The following WNT2B variants were observed in gnomAD, a reference collection of about 807,000 sequenced individuals.
WNT2B encodes protein Wnt-2b.
WNT2B carries 19 observed loss-of-function variants against 40.5 expected under a neutral mutation model. The observed-to-expected ratio is 0.47, with a 90% confidence interval of 0.33 to 0.69. The LOEUF (loss-of-function observed/expected upper bound fraction) is 0.69. Among genes scored for constraint, WNT2B ranks in the 30% least tolerant of loss-of-function variants. The pLI is 0.02. For synonymous variants in WNT2B, 220 were observed against 211.9 expected (o/e 1.04, Z -0.33); for missense variants, 467 against 556.4 (o/e 0.84, Z 1.62).
rs1365606904 is a variant in WNT2B at position 112,522,551 on chromosome 1, A to C, written c.*2042A>C. The C allele has an allele frequency of 3.3e-5, 5 of 152,116 alleles. No homozygotes were observed. Among genetic ancestry groups the C allele is most frequent in the Non-Finnish European group, 7.3e-5 (5 of 68,048 alleles). 9.4% of individuals were successfully genotyped at this position (152,116 alleles called of 1,614,324 possible). ...CTCTCCAATATCCCTTGGGGTCCTC[A>C]TGTTTTTGAAGCAGCTTCACTCTGC... On this transcript the variant is annotated 3_prime_UTR_variant, in exon 5 of 5. Transcript: ENST00000369684.
rs1652893302 is a variant in WNT2B at position 112,521,729 on chromosome 1, T to C, written c.*1220T>C. The C allele has an allele frequency of 6.6e-6, 1 of 152,202 alleles. No homozygotes were observed. The highest frequency in any genetic ancestry group is 2.1e-4 in the South Asian group (1 of 4,824). 9.4% of individuals were successfully genotyped at this position (152,202 alleles called of 1,614,324 possible). A position where few individuals can be genotyped will look rare whatever the true frequency, so the allele number is the denominator to read the frequency against. On this transcript the variant is annotated 3_prime_UTR_variant, in exon 5 of 5. Coordinates refer to ENST00000369684, the MANE Select transcript of WNT2B (RefSeq NM_024494.3). The stretch of plus-strand genomic sequence containing the variant: ...GCTTAATGGGTAATGCTATTACCCA[T>C]TGCCTAACTAGGTTTGCAGTAGTGG...
chr1:112,507,530 C>T (rs1399502693), upstream of WNT2B, among the ~76,000 whole-genome samples: 1 of 152,174 alleles, frequency 6.6e-6, no homozygotes, highest in East Asian at 1.9e-4. Context: ...GAGTGAGGGG[C>T]GCTAGGACCC....
intron 1 of WNT2B, among the ~76,000 whole-genome samples, chr1:112,476,413 C>T (rs1651055330): frequency 6.6e-6 from 1 of 152,024 alleles, no homozygotes; most frequent in Non-Finnish European, 1.5e-5. Context: ...AGGTAATGCC[C>T]ATCCCCCACT....
intron 4 of WNT2B, chr1:112,517,998 C>G (rs1041777788): frequency 1.3e-5 from 2 of 152,538 alleles, no homozygotes; most frequent in Non-Finnish European, 2.9e-5. Flanking sequence ...GGTAAAGGTT[C>G]TCTCTAAGGG....
intron 1 of WNT2B, among the ~76,000 whole-genome samples, chr1:112,512,757 AG>A (rs1652400067): frequency 6.6e-6 from 1 of 152,292 alleles, no homozygotes; most frequent in South Asian, 2.1e-4. Flanking sequence ...TTGAACTGAG[AG>A]GAAGATGTGG....
At chr1:112,468,842 C>A (rs186429447) in intron 1 of WNT2B, among the ~76,000 whole-genome samples, 1 of 152,068 alleles carries the variant, frequency 6.6e-6, no homozygotes, top group Non-Finnish European at 1.5e-5. Context: ...CGTTTTGTTG[C>A]CTGTGCTTTT....
Position 112,509,347 on chromosome 1 carries a change from G to A in WNT2B, c.85G>A (p.Ala29Thr). The part of the protein sequence containing the change: ...SAPVPVPSPA[A>T]PDGSRASARL... ...CCCGGTCCCTGTGCCGTCGCCCGCGGCCCCCGACGGCTCCCGGGCTTCGGC... is the reference window on the plus strand; with the variant it reads ...CCCGGTCCCTGTGCCGTCGCCCGCGACCCCCGACGGCTCCCGGGCTTCGGC... The change falls in exon 1 of 5, where the codon GCC becomes ACC. Residue 29 changes from alanine to threonine, a missense_variant. Transcript: ENST00000369684. This position sits in a 1 kb window ranked among gnomAD's most constrained non-coding sequence, Gnocchi z 4.2. The A allele has an allele frequency of 6.3e-7, 1 of 1,593,386 alleles. No homozygotes were observed. Among genetic ancestry groups the A allele is most frequent in the Non-Finnish European group, 8.5e-7 (1 of 1,176,482 alleles).
At position 112,515,168 on chromosome 1, in the gene WNT2B, A is replaced by C; in HGVS notation, c.403+74A>C. 6.7e-7 allele frequency: 1 copy of C among 1,494,718 alleles called. No individual in the cohort carries two copies. The highest frequency in any genetic ancestry group is 9.1e-7 in the Non-Finnish European group (1 of 1,094,462). 92.6% of individuals were successfully genotyped at this position (1,494,718 alleles called of 1,614,324 possible). A position where few individuals can be genotyped will look rare whatever the true frequency, so the allele number is the denominator to read the frequency against. On this transcript the variant is annotated intron_variant, in intron 2 of 4. Transcript: ENST00000369684. The surrounding 1 kb of genome is among the most constrained non-coding windows in gnomAD (Gnocchi z 4.4). Reference sequence around the variant, plus strand: ...GGGTGGTGAGTGGGAAGAGTAGGCAAGATCTCCCCTCTCCTCTCCCACACA... The same window carrying C: ...GGGTGGTGAGTGGGAAGAGTAGGCACGATCTCCCCTCTCCTCTCCCACACA...
intron 1 of WNT2B, among the ~76,000 whole-genome samples, chr1:112,493,156 G>A (rs534112688): frequency 6.6e-6 from 1 of 152,300 alleles, no homozygotes; most frequent in South Asian, 2.1e-4. Flanking sequence ...AAAGTAGACA[G>A]CATGCAAAAA....
chr1:112,509,313 C>T lies in WNT2B; in HGVS notation c.51C>T (p.Arg17=). ...AAGCTGCGCAGCTCCCGCTTCGGCG[C>T]GCCAGCGCCCCGGTCCCTGTGCCGT... is the stretch of plus-strand genomic sequence containing the variant. The part of the protein sequence containing the change: ...AEEAAQLPLR[R]ASAPVPVPSP... The change falls in exon 1 of 5, where the codon CGC becomes CGT. Residue 17 remains arginine, a synonymous_variant. Transcript: ENST00000369684. This position sits in a 1 kb window ranked among gnomAD's most constrained non-coding sequence, Gnocchi z 4.2. 1 of 1,566,922 alleles carries T rather than the reference C, an allele frequency of 6.4e-7. No homozygotes were observed. Among genetic ancestry groups the T allele is most frequent in the Non-Finnish European group, 8.6e-7 (1 of 1,162,784 alleles).
chr1:112,518,846 A>AT lies in WNT2B; in HGVS notation c.947-1433dup, dbSNP rs144290779. 1.6e-4 allele frequency among the ~76,000 whole-genome samples: 25 copies of AT among 152,324 alleles called. No homozygotes were observed. The East Asian group carries it at 4.8e-3, about 29-fold the overall frequency. On this transcript the variant is annotated intron_variant, in intron 4 of 4. Coordinates refer to ENST00000369684, the MANE Select transcript of WNT2B (RefSeq NM_024494.3). The stretch of plus-strand genomic sequence containing the variant: ...GGAGCCAGGAATTCCCTCCAAAGCA[A>AT]TAGAGTCCAATTGAACTTTCTGTGA...
At chr1:112,493,940 CAA>C (rs79773849) in intron 1 of WNT2B, among the ~76,000 whole-genome samples, 4,087 of 138,812 alleles carry the variant, frequency 0.029, 251 homozygotes, top group East Asian at 0.22. Context: ...AAATCTAAGA[CAA>C]AAAAAAAAAA....
At chr1:112,499,975 G>A (rs1392439036) in intron 1 of WNT2B, among the ~76,000 whole-genome samples, 1 of 152,166 alleles carries the variant, frequency 6.6e-6, no homozygotes. Flanking sequence ...GAGGCACGAT[G>A]GTCATGTTGA....
chr1:112,516,087 G>A (rs1047317139), intron 2 of WNT2B, 53 bp from the exon 3 acceptor site: 10 of 1,560,742 alleles, frequency 6.4e-6, no homozygotes, highest in Non-Finnish European at 7.8e-6. Context: ...GCTGAAGAAG[G>A]GGACAGACAT....
chr1:112,475,359 G>C (rs1651022757), intron 1 of WNT2B, among the ~76,000 whole-genome samples: 1 of 152,134 alleles, frequency 6.6e-6, no homozygotes, highest in Admixed American at 6.5e-5. Flanking sequence ...TAACAAATCT[G>C]CATCTATACA....
intron 1 of WNT2B, among the ~76,000 whole-genome samples, chr1:112,478,421 A>G (rs962289203): frequency 6.6e-6 from 1 of 152,174 alleles, no homozygotes. Flanking sequence ...TTATAATCAA[A>G]TTACCAAAAG....
At chr1:112,474,079 A>AG (rs1202870807) in intron 1 of WNT2B, among the ~76,000 whole-genome samples, 7 of 148,216 alleles carry the variant, frequency 4.7e-5, no homozygotes, top group African/African-American at 1.7e-4. Context: ...AAAAAAAAAA[A>AG]AAAGAAAGAA....
intron 1 of WNT2B, among the ~76,000 whole-genome samples, chr1:112,502,345 C>T (rs573644164): frequency 5.6e-4 from 85 of 152,362 alleles, no homozygotes; most frequent in African/African-American, 1.9e-3. Flanking sequence ...CCCGCTCTCC[C>T]CTCTCTGGCC....
chr1:112,467,501 C>A lies in WNT2B; in HGVS notation c.-185C>A, dbSNP rs371825913. 8.0e-5 allele frequency: 62 copies of A among 777,218 alleles called. No individual in the cohort carries two copies. The African/African-American group carries it at 9.8e-4, about 12-fold the overall frequency. 48.1% of individuals were successfully genotyped at this position (777,218 alleles called of 1,614,324 possible). A position where few individuals can be genotyped will look rare whatever the true frequency, so the allele number is the denominator to read the frequency against. On this transcript the variant is annotated 5_prime_UTR_variant, in exon 1 of 5. Transcript: ENST00000256640. ...AACTGCAATCTGTTAACACTGCTGTCTCCTTTCACTCTTTCTCCTATATCA... is the reference window on the plus strand; with the variant it reads ...AACTGCAATCTGTTAACACTGCTGTATCCTTTCACTCTTTCTCCTATATCA...
Sources: gnomAD v4.1 joint callset for allele counts (sites outside exome capture counted in the v4.1 genomes callset) on GRCh38, gnomAD v4.1.1 for gene constraint, Gnocchi (gnomAD v3.1) non-coding constraint, MANE v1.5 for transcripts, NCBI Gene and HGNC (gene_info 2026-07-23, HGNC 2026-07-21) for gene names.